CACNA1E: variants seen among roughly 807,000 people sequenced by gnomAD.
CACNA1E encodes the protein calcium voltage-gated channel subunit alpha1 E.
Under a neutral mutation model 259.2 loss-of-function variants are expected in CACNA1E, and 40 were observed. The ratio of observed to expected loss-of-function variants is 0.15; its 90% CI spans 0.12 to 0.20. The LOEUF is 0.20. Among genes scored for constraint, CACNA1E ranks in the 10% least tolerant of loss-of-function variants. The pLI is 1.00. For missense variants in CACNA1E, 1,874 were observed against 3,040.1 expected, an observed-to-expected ratio of 0.62 and a Z score of 9.02; for synonymous variants, 1,104 against 1,138.5, an observed-to-expected ratio of 0.97 and a Z score of 0.61.
intron 6 of CACNA1E, among the ~76,000 whole-genome samples, chr1:181,640,661 G>A (rs189047026): frequency 2.0e-5 from 3 of 152,310 alleles, no homozygotes; most frequent in East Asian, 1.9e-4. Flanking sequence ...TTTCTTGAGC[G>A]TCTGCCCTTG....
intron 1 of CACNA1E, among the ~76,000 whole-genome samples, chr1:181,375,517 T>C (rs1400990868): frequency 6.6e-6 from 1 of 152,178 alleles, no homozygotes; most frequent in Non-Finnish European, 1.5e-5. Flanking sequence ...AAAGCAAACT[T>C]TTGTTTGGTG....
chr1:181,391,939 C>CTG (rs1227455808), intron 1 of CACNA1E, among the ~76,000 whole-genome samples: 2 of 110,958 alleles, frequency 1.8e-5, no homozygotes, highest in African/African-American at 8.3e-5. Context: ...CTCTCTCTCT[C>CTG]TCTCTCTGTG....
At chr1:181,726,694 A>G (rs892297073) in intron 18 of CACNA1E, among the ~76,000 whole-genome samples, 1 of 152,234 alleles carries the variant, frequency 6.6e-6, no homozygotes, top group African/African-American at 2.4e-5. Context: ...CTTCAAGTGG[A>G]AGGATGAATA....
intron 6 of CACNA1E, among the ~76,000 whole-genome samples, chr1:181,607,305 T>C (rs970041315): frequency 6.6e-6 from 1 of 152,242 alleles, no homozygotes; most frequent in African/African-American, 2.4e-5. Flanking sequence ...GTGTTATGAT[T>C]ATCAGCTATG....
At chr1:181,529,150 G>T (rs930630955) in intron 3 of CACNA1E, among the ~76,000 whole-genome samples, 1 of 152,216 alleles carries the variant, frequency 6.6e-6, no homozygotes, top group Non-Finnish European at 1.5e-5. Context: ...TGTCCCAGCT[G>T]TTCCAGCTGT....
chr1:181,370,629 T>C (rs995934985), intron 1 of CACNA1E, among the ~76,000 whole-genome samples: 5 of 152,196 alleles, frequency 3.3e-5, no homozygotes, highest in Non-Finnish European at 7.4e-5. Context: ...TTTATGGCTG[T>C]GTAGTATTCC....
upstream of CACNA1E, among the ~76,000 whole-genome samples, chr1:181,479,878 T>C (rs1194387599): frequency 2.6e-5 from 4 of 152,206 alleles, no homozygotes; most frequent in Non-Finnish European, 5.9e-5. Context: ...CTGCTTTGTC[T>C]GTCAAGGGTC....
intron 3 of CACNA1E, among the ~76,000 whole-genome samples, chr1:181,524,526 G>A (rs1379995152): frequency 6.6e-6 from 1 of 152,224 alleles, no homozygotes; most frequent in Non-Finnish European, 1.5e-5. Flanking sequence ...GGTTAACATA[G>A]TAGGTTCTCT....
chr1:181,470,095 AAG>A (rs1456541505), intron 2 of CACNA1E, among the ~76,000 whole-genome samples: 4 of 151,676 alleles, frequency 2.6e-5, no homozygotes, highest in African/African-American at 4.9e-5. Context: ...GAGAGAAAGA[AAG>A]AGAGCAAGAA....
At chr1:181,709,904 GA>G (rs1259039102) in intron 7 of CACNA1E, among the ~76,000 whole-genome samples, 1 of 152,220 alleles carries the variant, frequency 6.6e-6, no homozygotes, top group Non-Finnish European at 1.5e-5. Flanking sequence ...TCCTAGCCTG[GA>G]AGGGTGTTTG....
chr1:181,407,391 C>T (rs1028929527), intron 1 of CACNA1E, among the ~76,000 whole-genome samples: 9 of 152,124 alleles, frequency 5.9e-5, no homozygotes, highest in African/African-American at 2.2e-4. Flanking sequence ...CAGGACAATA[C>T]CTCTTACCAA....
intron 7 of CACNA1E, among the ~76,000 whole-genome samples, chr1:181,678,454 G>A (rs191331608): frequency 2.0e-5 from 3 of 152,240 alleles, no homozygotes; most frequent in East Asian, 1.9e-4. Flanking sequence ...TAATAAAACA[G>A]GTACTGTTTA....
intron 38 of CACNA1E, among the ~76,000 whole-genome samples, chr1:181,781,213 CTTGA>C (rs1558384012): frequency 3.3e-5 from 5 of 152,096 alleles, no homozygotes; most frequent in South Asian, 2.1e-4. Context: ...TACGATTTGC[CTTGA>C]TTAACAGGTT....
chr1:181,703,095 A>G lies in CACNA1E; in HGVS notation c.1056-7859A>G, dbSNP rs563312442. On this transcript the variant is annotated intron_variant, in intron 7 of 47. Transcript: ENST00000367573. ...TTACAGGTGCATACCAGCATGCCCAATTATACTTGCTGCTATATCCTCATA... is the reference window on the plus strand; with the variant it reads ...TTACAGGTGCATACCAGCATGCCCAGTTATACTTGCTGCTATATCCTCATA... Among the ~76,000 whole-genome samples, 3 of 152,238 alleles carry G rather than the reference A, an allele frequency of 2.0e-5. No individual in the cohort carries two copies. The East Asian group carries it at 5.8e-4, about 29-fold the overall frequency.
At chr1:181,534,637 C>A (rs186432279) in intron 3 of CACNA1E, among the ~76,000 whole-genome samples, 268 of 151,860 alleles carry the variant, frequency 1.8e-3, no homozygotes, top group Non-Finnish European at 2.9e-3. Flanking sequence ...ACTACCTGTA[C>A]CCCCAAAACT....
chr1:181,577,805 G>A lies in CACNA1E; in HGVS notation c.552G>A (p.Val184=), dbSNP rs1376618825. The part of the protein sequence containing the change: ...ATAGTHFNTH[V]DLRTLRAVRV... Reference sequence around the variant, plus strand: ...CAGGAACCCACTTCAATACTCACGTGGACCTGAGGACCCTCCGGGCTGTGC... The same window carrying A: ...CAGGAACCCACTTCAATACTCACGTAGACCTGAGGACCCTCCGGGCTGTGC... The change falls in exon 4 of 48, where the codon GTG becomes GTA. Residue 184 remains valine (V), a synonymous_variant. Transcript: ENST00000367573. 1.2e-6 allele frequency: 2 copies of A among 1,611,332 alleles called. No individual in the cohort carries two copies. The highest frequency in any genetic ancestry group is 1.3e-5 in the African/African-American group (1 of 74,902).
At chr1:181,496,906 T>C (rs1441521440) in intron 1 of CACNA1E, among the ~76,000 whole-genome samples, 1 of 152,186 alleles carries the variant, frequency 6.6e-6, no homozygotes, top group Non-Finnish European at 1.5e-5. Context: ...AGGATGCATG[T>C]GTTCTTCTAG....
chr1:181,653,919 A>G (rs768222340), intron 7 of CACNA1E, among the ~76,000 whole-genome samples: 15 of 152,244 alleles, frequency 9.9e-5, no homozygotes, highest in Non-Finnish European at 1.5e-4. Context: ...GCTTGCATAC[A>G]GAGTTGCCAA....
chr1:181,758,912 G>T lies in CACNA1E; in HGVS notation c.4605+44G>T, dbSNP rs754621057. The T allele has an allele frequency of 2.8e-6, 3 of 1,079,950 alleles. No individual in the cohort carries two copies. Among genetic ancestry groups the T allele is most frequent in the South Asian group, 2.7e-5 (2 of 75,408 alleles). The allele number at this position is 1,079,950 out of a possible 1,614,324, so 66.9% of individuals were successfully genotyped here. A position where few individuals can be genotyped will look rare whatever the true frequency, so the allele number is the denominator to read the frequency against. ...CCCAGCACTGGGCTTGTCTCTTTCTGTTGGGTGCCTTCCCAGTCTTTGTTG... is the reference window on the plus strand; with the variant it reads ...CCCAGCACTGGGCTTGTCTCTTTCTTTTGGGTGCCTTCCCAGTCTTTGTTG... On this transcript the variant is annotated intron_variant, in intron 32 of 47. Transcript: ENST00000367573. This position sits in a 1 kb window ranked among gnomAD's most constrained non-coding sequence, Gnocchi z 4.2.
Sources: gnomAD v4.1 joint callset for allele counts (sites outside exome capture counted in the v4.1 genomes callset) on GRCh38, gnomAD v4.1.1 for gene constraint, Gnocchi (gnomAD v3.1) non-coding constraint, MANE v1.5 for transcripts, NCBI Gene and HGNC (gene_info 2026-07-23, HGNC 2026-07-21) for gene names.